The following QTGAL variants were observed in gnomAD, a reference collection of about 807,000 sequenced individuals.
QTGAL encodes the protein queuosine-tRNA galactosyltransferase, also known as BGnT-like protein 1.
the QTGAL span, among the ~76,000 whole-genome samples, chr17:83,031,948 C>T: frequency 1.3e-5 from 2 of 152,262 alleles, no homozygotes; most frequent in African/African-American, 4.8e-5. Flanking sequence ...ACAGAGCAGC[C>T]AGCACCCGGG....
chr17:83,030,976 G>A, the QTGAL span: 1 of 152,276 alleles, frequency 6.6e-6, no homozygotes, highest in Non-Finnish European at 1.5e-5. Context: ...CAGACCTCCT[G>A]GGTGAAGCCG....
the QTGAL span, among the ~76,000 whole-genome samples, chr17:83,019,136 T>C: frequency 5.9e-5 from 9 of 152,206 alleles, no homozygotes; most frequent in African/African-American, 2.2e-4. Context: ...TGAGTCCACG[T>C]CCAGAAAGGG....
the QTGAL span, among the ~76,000 whole-genome samples, chr17:82,964,272 A>AAAT: frequency 6.6e-6 from 1 of 150,956 alleles, no homozygotes; most frequent in Non-Finnish European, 1.5e-5. Context: ...AAAAAAAAAA[A>AAAT]AAAGGAACAA....
chr17:83,026,976 C>A, the QTGAL span, among the ~76,000 whole-genome samples: 1 of 149,814 alleles, frequency 6.7e-6, no homozygotes, highest in South Asian at 2.1e-4. Flanking sequence ...AGGGAGCCTG[C>A]AGACAAACCC....
the QTGAL span, among the ~76,000 whole-genome samples, chr17:83,000,504 T>G: frequency 6.6e-6 from 1 of 152,218 alleles, no homozygotes; most frequent in Non-Finnish European, 1.5e-5. Context: ...ACCCCATATG[T>G]GGTCTATAAG....
the QTGAL span, chr17:82,942,524 G>T: frequency 6.2e-7 from 1 of 1,612,392 alleles, no homozygotes; most frequent in South Asian, 1.1e-5. Flanking sequence ...TCCTGAGGGA[G>T]GCCGGTGTGG....
At chr17:83,005,646 C>A in the QTGAL span, 1 of 703,650 alleles carries the variant, frequency 1.4e-6, no homozygotes, top group South Asian at 1.5e-5. This position sits in a 1 kb window ranked among gnomAD's most constrained non-coding sequence, Gnocchi z 5.6. Flanking sequence ...TGAACCTGCT[C>A]CATTCAGCTC....
At chr17:82,959,038 T>C in the QTGAL span, among the ~76,000 whole-genome samples, 1 of 39,138 alleles carries the variant, frequency 2.6e-5, no homozygotes, top group South Asian at 1.6e-3. Context: ...GTGTATACTG[T>C]GGGGGTGTAT....
chr17:83,005,258 A>G, the QTGAL span: 3 of 1,464,020 alleles, frequency 2.0e-6, no homozygotes, highest in Non-Finnish European at 2.8e-6. This position sits in a 1 kb window ranked among gnomAD's most constrained non-coding sequence, Gnocchi z 5.6. Context: ...TCAGGTACGC[A>G]GGTGCATGTG....
At chr17:82,961,650 C>CG in the QTGAL span, among the ~76,000 whole-genome samples, 1 of 152,186 alleles carries the variant, frequency 6.6e-6, no homozygotes, top group African/African-American at 2.4e-5. Flanking sequence ...TGTGGGGCTG[C>CG]GGGCAGGGGA....
At chr17:83,051,729 G>A in the QTGAL span, 2 of 1,493,506 alleles carry the variant, frequency 1.3e-6, no homozygotes, top group Non-Finnish European at 1.8e-6. Context: ...CTCCCCGCTG[G>A]CACCTACCAC....
the QTGAL span, among the ~76,000 whole-genome samples, chr17:83,002,631 G>A: frequency 1.3e-5 from 2 of 152,158 alleles, no homozygotes; most frequent in Non-Finnish European, 2.9e-5. Flanking sequence ...CACCCATGTG[G>A]CAACGGCCAC....
the QTGAL span, among the ~76,000 whole-genome samples, chr17:82,991,873 TAAA>T: frequency 1.3e-5 from 2 of 151,964 alleles, no homozygotes; most frequent in African/African-American, 2.4e-5. Context: ...TTAAAATAAT[TAAA>T]AAGAAGCAGA....
chr17:82,994,499 G>GA, the QTGAL span, among the ~76,000 whole-genome samples: 2 of 152,102 alleles, frequency 1.3e-5, no homozygotes, highest in South Asian at 2.1e-4. Context: ...ACTGAACCAT[G>GA]AAAAAATCCA....
At chr17:82,964,028 C>A in the QTGAL span, among the ~76,000 whole-genome samples, 11 of 139,586 alleles carry the variant, frequency 7.9e-5, no homozygotes, top group Non-Finnish European at 1.1e-4. Context: ...AGGCTGAGGT[C>A]GGGGGGGTGG....
chr17:82,993,585 GA>G, the QTGAL span, among the ~76,000 whole-genome samples: 2 of 152,004 alleles, frequency 1.3e-5, no homozygotes, highest in African/African-American at 2.4e-5. Context: ...TTTCCAGACA[GA>G]AAATCAACAA....
At chr17:82,994,644 C>A in the QTGAL span, among the ~76,000 whole-genome samples, 1 of 152,058 alleles carries the variant, frequency 6.6e-6, no homozygotes, top group Non-Finnish European at 1.5e-5. Flanking sequence ...CCAATCCTAC[C>A]CAAATTATTC....
the QTGAL span, among the ~76,000 whole-genome samples, chr17:82,997,661 A>G: frequency 0.012 from 1,841 of 152,320 alleles, 43 homozygotes; most frequent in African/African-American, 0.042. Context: ...ATGAATGAAT[A>G]AAGAAATGTG....
At chr17:82,965,667 A>C in the QTGAL span, 1 of 1,610,562 alleles carries the variant, frequency 6.2e-7, no homozygotes, top group Non-Finnish European at 8.5e-7. Context: ...TCCCTCGTTA[A>C]AGGGGCCCAC....
Sources: gnomAD v4.1 joint callset for allele counts (sites outside exome capture counted in the v4.1 genomes callset) on GRCh38, gnomAD v4.1.1 for gene constraint, Gnocchi (gnomAD v3.1) non-coding constraint, MANE v1.5 for transcripts, NCBI Gene and HGNC (gene_info 2026-07-23, HGNC 2026-07-21) for gene names.